Variants in SNX30 observed in about 807,000 individuals in gnomAD.
SNX30 encodes sorting nexin family member 30.
In SNX30, 24 loss-of-function variants were observed where a neutral mutation model predicts 46.4. The ratio of observed to expected loss-of-function variants is 0.52; its 90% CI spans 0.37 to 0.73. The LOEUF (loss-of-function observed/expected upper bound fraction) is 0.73, where lower values mean the gene tolerates loss of function less well. Ranked by LOEUF, SNX30 falls within the 30% of genes least tolerant of loss-of-function variation. SNX30 has a pLI of 0.00. For missense variants in SNX30, 533 were observed against 555.7 expected (o/e 0.96, Z 0.41); for synonymous variants, 189 against 211.5 (o/e 0.89, Z 0.92).
chr9:112,790,059 C>T (rs559899741), intron 1 of SNX30, among the ~76,000 whole-genome samples: 7 of 152,278 alleles, frequency 4.6e-5, no homozygotes, highest in African/African-American at 1.7e-4. Context: ...GATACTTGTA[C>T]AAGCAACCTT....
chr9:112,835,782 C>G (rs1588132785), intron 4 of SNX30, among the ~76,000 whole-genome samples: 1 of 152,278 alleles, frequency 6.6e-6, no homozygotes, highest in Admixed American at 6.5e-5. Context: ...GCTTTCCACC[C>G]TTTACTCCCC....
At chr9:112,851,463 T>A (rs1841025005) in intron 7 of SNX30, among the ~76,000 whole-genome samples, 1 of 152,228 alleles carries the variant, frequency 6.6e-6, no homozygotes, top group Non-Finnish European at 1.5e-5. Flanking sequence ...ACGGCAGGAC[T>A]ACAGCTTGGT....
intron 6 of SNX30, among the ~76,000 whole-genome samples, chr9:112,841,277 G>A (rs1218608502): frequency 6.6e-6 from 1 of 152,254 alleles, no homozygotes; most frequent in Non-Finnish European, 1.5e-5. Flanking sequence ...TTTGAAGCAC[G>A]ATTTAAAAAT....
intron 3 of SNX30, among the ~76,000 whole-genome samples, chr9:112,826,520 A>T (rs2131437523): frequency 6.6e-6 from 1 of 152,292 alleles, no homozygotes; most frequent in South Asian, 2.1e-4. Context: ...TGAACAGGAG[A>T]TGTTGAAGAT....
chr9:112,822,126 C>G (rs1261937491), intron 3 of SNX30, among the ~76,000 whole-genome samples: 1 of 151,846 alleles, frequency 6.6e-6, no homozygotes, highest in Non-Finnish European at 1.5e-5. Context: ...GTTGCCCAGG[C>G]TGGTCTCAAA....
intron 3 of SNX30, among the ~76,000 whole-genome samples, chr9:112,829,261 A>T (rs533670602): frequency 5.9e-5 from 9 of 151,660 alleles, no homozygotes; most frequent in Admixed American, 2.0e-4. Context: ...TTTTTTTTTT[A>T]AAGTTTTAAA....
intron 4 of SNX30, among the ~76,000 whole-genome samples, chr9:112,832,449 AGAGAGAGAGAGTGTGT>A (rs1403907063): frequency 1.8e-4 from 22 of 123,660 alleles, no homozygotes; most frequent in African/African-American, 6.7e-4. Context: ...AGAGAGAGAG[AGAGAGAGAGAGTGTGT>A]GTGTGTGTGT....
intron 1 of SNX30, among the ~76,000 whole-genome samples, chr9:112,789,487 T>A (rs1166212145): frequency 6.6e-6 from 1 of 152,258 alleles, no homozygotes; most frequent in Non-Finnish European, 1.5e-5. Context: ...ACTAAAGTTA[T>A]TTAAACACAG....
At chr9:112,788,807 C>G (rs534075736) in intron 1 of SNX30, among the ~76,000 whole-genome samples, 23 of 152,198 alleles carry the variant, frequency 1.5e-4, no homozygotes, top group African/African-American at 3.6e-4. Flanking sequence ...TTTTTTGTTT[C>G]TTTCTTGAGG....
downstream of SNX30, chr9:112,885,449 T>TAC (rs1447934802): frequency 6.6e-6 from 1 of 150,394 alleles, no homozygotes; most frequent in African/African-American, 2.4e-5. Context: ...TGTATATATA[T>TAC]ATATATATTC....
chr9:112,758,144 C>T (rs1425789825), intron 1 of SNX30, among the ~76,000 whole-genome samples: 1 of 152,138 alleles, frequency 6.6e-6, no homozygotes, highest in Non-Finnish European at 1.5e-5. Context: ...GACTCCATAG[C>T]CATGTTTTCT....
chr9:112,830,606 T>A, intron 3 of SNX30, 119 bp from the exon 4 acceptor site: 1 of 868,740 alleles, frequency 1.2e-6, no homozygotes. Flanking sequence ...CATGAAGATC[T>A]GCCTGATTAA....
At chr9:112,882,099 G>A (rs529405378), downstream of SNX30, among the ~76,000 whole-genome samples, 1 of 151,898 alleles carries the variant, frequency 6.6e-6, no homozygotes, top group African/African-American at 2.4e-5. Context: ...TTCATTTTTT[G>A]TTGTTGTTGT....
At chr9:112,830,368 T>G (rs1421311527) in intron 3 of SNX30, among the ~76,000 whole-genome samples, 2 of 152,056 alleles carry the variant, frequency 1.3e-5, no homozygotes, top group African/African-American at 2.4e-5. Flanking sequence ...CCTGCTTGCC[T>G]TCTTTCTTTT....
At chr9:112,758,027 T>C (rs1228493125) in intron 1 of SNX30, among the ~76,000 whole-genome samples, 1 of 152,178 alleles carries the variant, frequency 6.6e-6, no homozygotes, top group African/African-American at 2.4e-5. Flanking sequence ...TCATACCCTC[T>C]ACCCTTCTAC....
chr9:112,814,466 C>T (rs1183343451), intron 2 of SNX30, among the ~76,000 whole-genome samples: 2 of 152,110 alleles, frequency 1.3e-5, no homozygotes, highest in Non-Finnish European at 2.9e-5. Flanking sequence ...GTCTTGAACT[C>T]CTGGACTCAA....
intron 2 of SNX30, among the ~76,000 whole-genome samples, chr9:112,812,164 A>G (rs1336691190): frequency 6.6e-6 from 1 of 152,004 alleles, no homozygotes; most frequent in Non-Finnish European, 1.5e-5. Flanking sequence ...ATTTGATTGT[A>G]TTTTACCTAT....
intron 1 of SNX30, among the ~76,000 whole-genome samples, chr9:112,768,118 A>G (rs894413478): frequency 6.6e-6 from 1 of 152,134 alleles, no homozygotes; most frequent in African/African-American, 2.4e-5. Context: ...TTGCTTACGC[A>G]GTAATGGTCC....
chr9:112,790,029 A>G (rs953011797), intron 1 of SNX30, among the ~76,000 whole-genome samples: 3 of 152,198 alleles, frequency 2.0e-5, no homozygotes, highest in Non-Finnish European at 4.4e-5. Flanking sequence ...ACCATAGGCT[A>G]TGGGCCTTGG....
Sources: gnomAD v4.1 joint callset for allele counts (sites outside exome capture counted in the v4.1 genomes callset) on GRCh38, gnomAD v4.1.1 for gene constraint, MANE v1.5 for transcripts, NCBI Gene and HGNC (gene_info 2026-07-23, HGNC 2026-07-21) for gene names.